MYO10: variants seen among roughly 807,000 people sequenced by gnomAD.
The protein encoded by MYO10 is myosin X.
In MYO10, 133 loss-of-function variants were observed where a neutral mutation model predicts 257.3. That is an observed-to-expected ratio of 0.52 (90% CI 0.45 to 0.60). The LOEUF is 0.60. MYO10 is among the 20% of genes least tolerant of loss of function. The probability of loss-of-function intolerance (pLI) is 0.00; values close to 1 mark genes in which losing one functional copy is unlikely to be tolerated. For missense variants in MYO10, 2,399 were observed against 2,635.7 expected, an observed-to-expected ratio of 0.91 and a Z score of 1.97; for synonymous variants, 1,104 against 1,028.6, an observed-to-expected ratio of 1.07 and a Z score of -1.40.
chr5:16,860,930 C>T (rs1293037373), intron 2 of MYO10, among the ~76,000 whole-genome samples: 1 of 152,182 alleles, frequency 6.6e-6, no homozygotes, highest in East Asian at 1.9e-4. Flanking sequence ...CAAAAGTGTG[C>T]TTTCACAACA....
Position 16,668,264 on chromosome 5 carries a change from C to G in MYO10, c.6075+13G>C, listed in dbSNP as rs1736268872. The G allele has an allele frequency of 1.3e-6, 2 of 1,593,990 alleles. No homozygotes were observed. The highest frequency in any genetic ancestry group is 1.7e-6 in the Non-Finnish European group (2 of 1,171,066). ...GACCATGAATAAAAAGATGAACTTG[C>G]TTTGCCTCTTACCTCACTGGTTTCA... On this transcript the variant is annotated intron_variant, in intron 40 of 40. Coordinates refer to ENST00000513610, the MANE Select transcript of MYO10 (RefSeq NM_012334.3).
At chr5:16,706,260 C>A (rs1729127831) in intron 21 of MYO10, among the ~76,000 whole-genome samples, 1 of 149,632 alleles carries the variant, frequency 6.7e-6, no homozygotes, top group Admixed American at 6.6e-5. Context: ...CACATATACT[C>A]ATATATACAC....
At chr5:16,797,732 G>T (rs1742010366) in intron 3 of MYO10, among the ~76,000 whole-genome samples, 1 of 152,256 alleles carries the variant, frequency 6.6e-6, no homozygotes, top group South Asian at 2.1e-4. Context: ...AATAGGTTAA[G>T]TCCATAGAAA....
chr5:16,713,871 T>C (rs540002333), intron 19 of MYO10, among the ~76,000 whole-genome samples: 2 of 152,246 alleles, frequency 1.3e-5, no homozygotes, highest in Admixed American at 1.3e-4. Context: ...AACTAACTAG[T>C]TTTCCAGAAC....
intron 19 of MYO10, among the ~76,000 whole-genome samples, chr5:16,723,995 A>G (rs768972041): frequency 4.6e-5 from 7 of 152,184 alleles, no homozygotes; most frequent in Non-Finnish European, 7.3e-5. Flanking sequence ...GGGAAGTGAC[A>G]CTATTCTGTG....
intron 39 of MYO10, among the ~76,000 whole-genome samples, chr5:16,669,002 G>T (rs904481421): frequency 6.6e-6 from 1 of 152,094 alleles, no homozygotes; most frequent in African/African-American, 2.4e-5. Context: ...TATGCAGAGT[G>T]GGAACAGGGA....
chr5:16,693,261 C>A (rs987936918), intron 27 of MYO10, among the ~76,000 whole-genome samples: 4 of 152,064 alleles, frequency 2.6e-5, no homozygotes, highest in Admixed American at 2.0e-4. Context: ...GGAGTGAGAC[C>A]CTGTCAGTCA....
chr5:16,774,032 C>T (rs1343998040), intron 9 of MYO10, among the ~76,000 whole-genome samples: 1 of 152,194 alleles, frequency 6.6e-6, no homozygotes, highest in Non-Finnish European at 1.5e-5. Context: ...TATTTACAAT[C>T]TTTGTTAATA....
intron 19 of MYO10, among the ~76,000 whole-genome samples, chr5:16,727,875 CAAAA>C (rs527975903): frequency 1.1e-5 from 1 of 93,972 alleles, no homozygotes; most frequent in African/African-American, 3.5e-5. Context: ...CCCCCCAGCC[CAAAA>C]AAAAAAAAAA....
intron 1 of MYO10, among the ~76,000 whole-genome samples, chr5:16,934,179 C>T (rs1408687053): frequency 6.6e-6 from 1 of 152,224 alleles, no homozygotes; most frequent in Admixed American, 6.5e-5. Flanking sequence ...CACCGGGTAA[C>T]AGGAGATCAG....
chr5:16,817,862 A>G, intron 3 of MYO10, 147 bp downstream of exon 3: 1 of 763,636 alleles, frequency 1.3e-6, no homozygotes, highest in East Asian at 3.0e-5. Context: ...TTTTGACCCA[A>G]GTTTCTAATG....
intron 25 of MYO10, 72 bp from the exon 26 acceptor site, chr5:16,699,645 A>G (rs1483316995): frequency 6.3e-7 from 1 of 1,592,740 alleles, no homozygotes; most frequent in Non-Finnish European, 8.6e-7. Flanking sequence ...CCCAGCATGT[A>G]TCATCATTGA....
chr5:16,841,112 T>C (rs1191039844), intron 2 of MYO10, among the ~76,000 whole-genome samples: 1 of 145,770 alleles, frequency 6.9e-6, no homozygotes, highest in Non-Finnish European at 1.5e-5. Context: ...GCCATTGCAC[T>C]CCAGCCTGGG....
chr5:16,902,698 T>C, intron 1 of MYO10: 4 of 879,446 alleles, frequency 4.5e-6, no homozygotes, highest in South Asian at 1.3e-5. Flanking sequence ...TTAGTGGAGA[T>C]GGGGTTTCAG....
chr5:16,806,993 GA>G (rs370701421), intron 3 of MYO10, among the ~76,000 whole-genome samples: 2 of 152,284 alleles, frequency 1.3e-5, no homozygotes, highest in Non-Finnish European at 2.9e-5. Context: ...ATGTAGTCCT[GA>G]AAAGCTGGAT....
chr5:16,902,169 C>T (rs1580132642), intron 1 of MYO10: 1 of 600,044 alleles, frequency 1.7e-6, no homozygotes, highest in Non-Finnish European at 2.9e-6. Context: ...CCTCAGCCTC[C>T]CAAGTAGTTG....
At chr5:16,895,982 C>G (rs977743730) in intron 1 of MYO10, among the ~76,000 whole-genome samples, 1 of 152,166 alleles carries the variant, frequency 6.6e-6, no homozygotes. Flanking sequence ...GCTCCTCAAC[C>G]GGACTGCAGA....
intron 9 of MYO10, among the ~76,000 whole-genome samples, chr5:16,776,689 C>A (rs1452726369): frequency 1.3e-5 from 2 of 152,180 alleles, no homozygotes; most frequent in Non-Finnish European, 2.9e-5. Context: ...AAGCCAAGTT[C>A]CAAAAGTTTA....
intron 1 of MYO10, among the ~76,000 whole-genome samples, chr5:16,900,573 G>A (rs1447239561): frequency 6.6e-6 from 1 of 151,890 alleles, no homozygotes; most frequent in Non-Finnish European, 1.5e-5. Context: ...CAAAAGACGG[G>A]GGACCGATCC....
Sources: gnomAD v4.1 joint callset for allele counts (sites outside exome capture counted in the v4.1 genomes callset) on GRCh38, gnomAD v4.1.1 for gene constraint, MANE v1.5 for transcripts, NCBI Gene and HGNC (gene_info 2026-07-23, HGNC 2026-07-21) for gene names.